PHLDB3: variants seen among roughly 807,000 people sequenced by gnomAD.
PHLDB3 encodes pleckstrin homology like domain family B member 3.
A neutral mutation model predicts 85.7 loss-of-function variants in PHLDB3; 86 were observed. The ratio of observed to expected loss-of-function variants is 1.00; its 90% CI spans 0.84 to 1.20. The LOEUF is 1.20. Among genes scored for constraint, PHLDB3 ranks in the 50% most tolerant of loss-of-function variants. The pLI is 0.00. For synonymous variants in PHLDB3, 376 were observed against 349.8 expected, an observed-to-expected ratio of 1.07 and a Z score of -0.83; for missense variants, 995 against 873.0, an observed-to-expected ratio of 1.14 and a Z score of -1.76.
At position 43,480,734 on chromosome 19, in the gene PHLDB3, G is replaced by A. The variant is rs113182564; in HGVS notation, c.1486-1141C>T. On this transcript the variant is annotated intron_variant, in intron 13 of 15. Transcript: ENST00000292140. Reference sequence around the variant, plus strand: ...TGAAGGGGTAAGTACATTTATCTCCGTTTCACAGATGTGGAAACCAAGACT... The same window carrying A: ...TGAAGGGGTAAGTACATTTATCTCCATTTCACAGATGTGGAAACCAAGACT... Among the ~76,000 whole-genome samples, 345 of 152,248 alleles carry A rather than the reference G, an allele frequency of 2.3e-3. 2 individuals carry two copies. The highest frequency in any genetic ancestry group is 7.9e-3 in the African/African-American group (327 of 41,538).
intron 9 of PHLDB3, among the ~76,000 whole-genome samples, chr19:43,489,342 G>A (rs1030355574): frequency 6.6e-6 from 1 of 150,822 alleles, no homozygotes; most frequent in Non-Finnish European, 1.5e-5. Context: ...ACTCCAGCCT[G>A]GGCGACAGTG....
intron 9 of PHLDB3, among the ~76,000 whole-genome samples, chr19:43,490,471 T>C (rs1293831272): frequency 6.6e-6 from 1 of 152,040 alleles, no homozygotes; most frequent in South Asian, 2.1e-4. Context: ...GAGAATCGCT[T>C]GAGTCTGGGA....
chr19:43,495,817 A>G, intron 6 of PHLDB3, 197 bp from the exon 7 acceptor site: 1 of 664,798 alleles, frequency 1.5e-6, no homozygotes. Context: ...AGATCTGGGG[A>G]AGATGAAGAG....
intron 10 of PHLDB3, 51 bp from the exon 11 acceptor site, chr19:43,486,921 C>T: frequency 4.0e-6 from 6 of 1,485,414 alleles, no homozygotes; most frequent in Non-Finnish European, 5.4e-6. Context: ...TGGCCTGAGC[C>T]TATCCACTTC....
chr19:43,475,275 G>C lies in PHLDB3; in HGVS notation c.*135C>G. 7.9e-7 allele frequency: 1 copy of C among 1,264,140 alleles called. No individual in the cohort carries two copies. The highest frequency in any genetic ancestry group is 1.1e-6 in the Non-Finnish European group (1 of 932,926). The allele number at this position is 1,264,140 out of a possible 1,614,324, so 78.3% of individuals were successfully genotyped here. A position where few individuals can be genotyped will look rare whatever the true frequency, so the allele number is the denominator to read the frequency against. On this transcript the variant is annotated 3_prime_UTR_variant, in exon 16 of 16. Transcript: ENST00000292140. ...AGCAGCTCAGGCCAGCTGAACTGCC[G>C]CGCCTGCGGAATTCCCGGGAGAGTT...
At chr19:43,478,916 A>AAAAAAC (rs146483111) in intron 14 of PHLDB3, among the ~76,000 whole-genome samples, 9 of 151,680 alleles carry the variant, frequency 5.9e-5, no homozygotes, top group East Asian at 2.0e-4. Flanking sequence ...CTCTGTCTCC[A>AAAAAAC]AAAAACAAAA....
At chr19:43,487,208 C>G in intron 9 of PHLDB3, 85 bp from the exon 10 acceptor site, 1 of 1,104,102 alleles carries the variant, frequency 9.1e-7, no homozygotes, top group East Asian at 2.6e-5. Flanking sequence ...AGCCACCACC[C>G]AGTCAGCACA....
At position 43,498,336 on chromosome 19, in the gene PHLDB3, CGAAAG is replaced by C. The variant is rs375659881; in HGVS notation, c.535-465_535-461del. 4.9e-3 allele frequency among the ~76,000 whole-genome samples: 718 copies of C among 145,056 alleles called. 2 individuals are homozygous for C. Among genetic ancestry groups the C allele is most frequent in the African/African-American group, 0.017 (653 of 39,076 alleles). On this transcript the variant is annotated intron_variant, in intron 4 of 15. Coordinates refer to ENST00000292140, the MANE Select transcript of PHLDB3 (RefSeq NM_198850.4). ...TGGGTGACAGAGGGAGACACTGTCT[CGAAAG>C]GGAAGGAAAGGAGAAAAGACAGAAA...
intron 9 of PHLDB3, among the ~76,000 whole-genome samples, chr19:43,487,591 A>AAAAAAAAAAAAAAACAAAAAAAC (rs1167897767): frequency 8.6e-6 from 1 of 115,768 alleles, no homozygotes; most frequent in Non-Finnish European, 1.9e-5. Context: ...AAAAAAAAAA[A>AAAAAAAAAAAAAAACAAAAAAAC]ACACAGAAAA....
rs1971478707 is a variant in PHLDB3 at position 43,497,180 on chromosome 19, G to A, written c.763C>T (p.Pro255Ser). The change falls in exon 6 of 16, where the codon CCT becomes TCT. Residue 255 changes from proline (P) to serine (S), a missense_variant. Pro to Ser is a moderately conservative substitution (Grantham distance 74). Transcript: ENST00000292140. ...TTGGGGTCTGGCACCTGGGGCCCAGGGCTGTCCCGATCCTCCTCCTCCTGC... is the reference window on the plus strand; with the variant it reads ...TTGGGGTCTGGCACCTGGGGCCCAGAGCTGTCCCGATCCTCCTCCTCCTGC... ...SRQEEEDRDS[P>S]GPQVPDPKVQ... is the part of the protein sequence containing the mutation. The A allele has an allele frequency of 6.4e-7, 1 of 1,567,856 alleles. No individual in the cohort carries two copies. Among genetic ancestry groups the A allele is most frequent in the South Asian group, 1.2e-5 (1 of 85,684 alleles).
In PHLDB3 at chr19:43,498,252, T is replaced by A. The variant is rs1344825973; in HGVS notation, c.535-376A>T. Among the ~76,000 whole-genome samples, 4 of 152,196 alleles carry A rather than the reference T, an allele frequency of 2.6e-5. No individual in the cohort carries two copies. In the East Asian group the frequency reaches 7.7e-4, roughly 29 times the overall value. On this transcript the variant is annotated intron_variant, in intron 4 of 15. Transcript: ENST00000292140. ...TACTCGGGAGGCTGAGGTGGGAGGA[T>A]TGCTTGAGCCAGGGAGATTGAGGCT...
Position 43,486,950 on chromosome 19 carries a change from G to T in PHLDB3, c.1249+74C>A, listed in dbSNP as rs747082595. ...CCACTTCTCCCCTGCAGGCATAGGTGCGGGTTTCCTCCATCCTCTGCTGCA... is the reference window on the plus strand; with the variant it reads ...CCACTTCTCCCCTGCAGGCATAGGTTCGGGTTTCCTCCATCCTCTGCTGCA... On this transcript the variant is annotated intron_variant, in intron 10 of 15. Coordinates refer to ENST00000292140, the MANE Select transcript of PHLDB3 (RefSeq NM_198850.4). 6.8e-6 allele frequency: 10 copies of T among 1,478,436 alleles called. No individual in the cohort carries two copies. In the Middle Eastern group the frequency reaches 1.6e-3, roughly 238 times the overall value. 91.6% of individuals were successfully genotyped at this position (1,478,436 alleles called of 1,614,324 possible).
intron 9 of PHLDB3, among the ~76,000 whole-genome samples, chr19:43,491,986 C>T (rs1247877947): frequency 1.5e-5 from 2 of 137,470 alleles, no homozygotes; most frequent in South Asian, 5.2e-4. Flanking sequence ...GACAGAGTCT[C>T]GCTCTGTCAC....
rs369214016 is a variant in PHLDB3, at chr19:43,479,364, A to G, written c.1702+13T>C. The G allele has an allele frequency of 1.2e-4, 186 of 1,553,776 alleles. 1 individual carries two copies. The highest frequency in any genetic ancestry group is 2.1e-4 in the Admixed American group (11 of 51,208). ...CAGCGTCCTGGGGCCCATGGTGGCC[A>G]GGCTGGGCTTACCCGCATAGTAGGC... On this transcript the variant is annotated intron_variant, in intron 14 of 15. Transcript: ENST00000292140.
At chr19:43,479,342 C>T (rs1055374728) in intron 14 of PHLDB3, 35 bp downstream of exon 14, 7 of 1,542,782 alleles carry the variant, frequency 4.5e-6, no homozygotes, top group South Asian at 2.4e-5. Context: ...GGAATTCCAG[C>T]GTCCTGGGGC....
chr19:43,475,479 C>G lies in PHLDB3; in HGVS notation c.1854G>C (p.Pro618=). 1 of 1,613,936 alleles carries G rather than the reference C, an allele frequency of 6.2e-7. No individual in the cohort carries two copies. The highest frequency in any genetic ancestry group is 8.5e-7 in the Non-Finnish European group (1 of 1,179,874). ...TCCAAATGCGCATGGCTTCGGGGCT[C>G]GGAGCCACCATGTAGAAAAGGCGTT... ...TYERLFYMVA[P]SPEAMRIWMD... is the part of the protein sequence containing the mutation. Residue 618 remains proline, a synonymous_variant, in exon 16 of 16, where the codon CCG becomes CCC. Coordinates refer to ENST00000292140, the MANE Select transcript of PHLDB3 (RefSeq NM_198850.4).
chr19:43,503,830 C>T, intron 2 of PHLDB3, 76 bp downstream of exon 2: 5 of 1,556,754 alleles, frequency 3.2e-6, no homozygotes, highest in Non-Finnish European at 4.4e-6. Context: ...TTCCCTCTAC[C>T]TGTCTACCTG....
chr19:43,502,842 C>T (rs1210356335), intron 2 of PHLDB3, among the ~76,000 whole-genome samples: 1 of 152,040 alleles, frequency 6.6e-6, no homozygotes, highest in East Asian at 1.9e-4. Flanking sequence ...CTTGCAGTAC[C>T]GTATGGAGGG....
intron 2 of PHLDB3, among the ~76,000 whole-genome samples, chr19:43,503,280 GTCTCTCTCTC>G (rs57901463): frequency 0.089 from 12,679 of 141,926 alleles, 688 homozygotes; most frequent in Non-Finnish European, 0.12. Flanking sequence ...TGTCTATCTG[GTCTCTCTCTC>G]TCTCTCTCTC....
Sources: gnomAD v4.1 joint callset for allele counts (sites outside exome capture counted in the v4.1 genomes callset) on GRCh38, gnomAD v4.1.1 for gene constraint, MANE v1.5 for transcripts, NCBI Gene and HGNC (gene_info 2026-07-23, HGNC 2026-07-21) for gene names.